HM13: variants seen among roughly 807,000 people sequenced by gnomAD.
HM13 encodes the protein signal peptide peptidase.
Under a neutral mutation model 50.0 loss-of-function variants are expected in HM13, and 18 were observed. The ratio of observed to expected loss-of-function variants is 0.36; its 90% CI spans 0.25 to 0.53. HM13 has a LOEUF of 0.53. Among genes scored for constraint, HM13 ranks in the 20% least tolerant of loss-of-function variants. The pLI is 0.90. For synonymous variants in HM13, 197 were observed against 232.6 expected, an observed-to-expected ratio of 0.85 and a Z score of 1.39; for missense variants, 393 against 552.4, an observed-to-expected ratio of 0.71 and a Z score of 2.89.
intron 1 of HM13, among the ~76,000 whole-genome samples, chr20:31,515,165 T>C (rs1173412420): frequency 6.6e-6 from 1 of 152,160 alleles, no homozygotes; most frequent in African/African-American, 2.4e-5. Context: ...TGTCATTCCC[T>C]GTTAGGAACC....
At chr20:31,536,920 T>C (rs1175933463) in intron 2 of HM13, among the ~76,000 whole-genome samples, 1 of 152,230 alleles carries the variant, frequency 6.6e-6, no homozygotes, top group African/African-American at 2.4e-5. Flanking sequence ...CGAGATTCTT[T>C]CTCCCTCACT....
intron 2 of HM13, 86 bp from the exon 3 acceptor site, chr20:31,538,093 A>C: frequency 6.5e-7 from 1 of 1,533,952 alleles, no homozygotes; most frequent in Non-Finnish European, 8.9e-7. Flanking sequence ...GGTGAGACCA[A>C]CCTCCAGAAG....
chr20:31,550,179 C>A, intron 7 of HM13, 58 bp downstream of exon 7: 1 of 1,289,764 alleles, frequency 7.8e-7, no homozygotes, highest in Non-Finnish European at 1.1e-6. Flanking sequence ...GGCCATGCCC[C>A]CACAGCCCGT....
chr20:31,568,017 C>T, intron 11 of HM13, 61 bp from the exon 12 acceptor site: 1 of 1,383,722 alleles, frequency 7.2e-7, no homozygotes, highest in Non-Finnish European at 9.8e-7. Flanking sequence ...AAGTCTCTGT[C>T]CTCCCTTAGT....
intron 1 of HM13, among the ~76,000 whole-genome samples, chr20:31,523,168 A>C (rs1452150651): frequency 6.6e-6 from 1 of 151,422 alleles, no homozygotes; most frequent in Non-Finnish European, 1.5e-5. Flanking sequence ...CTCCTGCCTC[A>C]ACCTCCTGAG....
At chr20:31,552,747 T>C (rs530514568) in intron 7 of HM13, among the ~76,000 whole-genome samples, 2 of 152,294 alleles carry the variant, frequency 1.3e-5, no homozygotes, top group East Asian at 3.9e-4. Context: ...CAAAATTGAA[T>C]GGTACCAGGA....
At chr20:31,562,328 C>T (rs1984663516) in intron 10 of HM13, 1 of 156,942 alleles carries the variant, frequency 6.4e-6, no homozygotes, top group Non-Finnish European at 1.4e-5. Flanking sequence ...GATTGCCCTA[C>T]TTTCTACTGG....
intron 11 of HM13, among the ~76,000 whole-genome samples, chr20:31,566,879 C>G (rs1186829612): frequency 6.6e-6 from 1 of 152,114 alleles, no homozygotes; most frequent in Non-Finnish European, 1.5e-5. Flanking sequence ...ACCGCAAGGC[C>G]TGCGTGACTC....
rs1984903514 is a variant in HM13, at chr20:31,566,267, G to A, written c.1006G>A (p.Ala336Thr). ...CGGTTTTCCTGTCCTGGTGGCGCTG[G>A]CCAAGGGAGAAGTGACAGAGATGTT... ...CIGFPVLVAL[A>T]KGEVTEMFSY... is the part of the protein sequence containing the mutation. The change falls in exon 11 of 13, where the codon GCC becomes ACC. Residue 336 changes from alanine to threonine, a missense_variant. Physicochemically the swap from Ala to Thr is moderately conservative, Grantham distance 58. This residue lies in a region of HM13 where 74 missense variants were observed against 160.4 expected (regional missense o/e 0.46). Coordinates refer to ENST00000398174, the MANE Select transcript of HM13 (RefSeq NM_178581.3). 1.2e-6 allele frequency: 2 copies of A among 1,613,918 alleles called. No homozygotes were observed. The highest frequency in any genetic ancestry group is 1.7e-6 in the Non-Finnish European group (2 of 1,179,974).
intron 1 of HM13, among the ~76,000 whole-genome samples, chr20:31,521,848 C>T (rs1387374890): frequency 1.4e-5 from 2 of 145,402 alleles, no homozygotes; most frequent in African/African-American, 2.7e-5. Context: ...TTTCAGGTCT[C>T]CCATTCTTTT....
chr20:31,538,314 C>T (rs1293475559), intron 3 of HM13, 53 bp downstream of exon 3: 2 of 1,614,034 alleles, frequency 1.2e-6, no homozygotes, highest in Non-Finnish European at 1.7e-6. Context: ...GGAACCAGTA[C>T]AGGGTCTTGG....
At chr20:31,555,509 G>A (rs1330443542) in intron 8 of HM13, among the ~76,000 whole-genome samples, 1 of 152,184 alleles carries the variant, frequency 6.6e-6, no homozygotes, top group Admixed American at 6.5e-5. Context: ...TGGGGCAGGA[G>A]CAGCTCAAAC....
At chr20:31,538,035 C>A (rs935463435) in intron 2 of HM13, 144 bp from the exon 3 acceptor site, 41 of 817,390 alleles carry the variant, frequency 5.0e-5, no homozygotes, top group Admixed American at 2.9e-4. Flanking sequence ...ACTAGAATGC[C>A]ACTAGTATTG....
chr20:31,533,710 T>A (rs141577848), intron 2 of HM13, among the ~76,000 whole-genome samples: 251 of 152,320 alleles, frequency 1.6e-3, no homozygotes, highest in Non-Finnish European at 2.9e-3. Flanking sequence ...TCTTTCACCC[T>A]GAGCCCCAAA....
intron 1 of HM13, among the ~76,000 whole-genome samples, chr20:31,519,393 G>A (rs1006791698): frequency 6.6e-6 from 1 of 152,060 alleles, no homozygotes. Flanking sequence ...GAGCCACCAC[G>A]CCTGGCCAGT....
At chr20:31,556,694 A>T (rs1175404806) in intron 8 of HM13, among the ~76,000 whole-genome samples, 1 of 152,146 alleles carries the variant, frequency 6.6e-6, no homozygotes, top group Non-Finnish European at 1.5e-5. Flanking sequence ...AACAGCTACC[A>T]TTTATCAAGC....
chr20:31,565,495 A>AAG (rs1442837214), intron 10 of HM13, among the ~76,000 whole-genome samples: 6 of 151,784 alleles, frequency 4.0e-5, no homozygotes, highest in African/African-American at 1.5e-4. Context: ...AAAAAAAAAA[A>AAG]AAAAAGATTT....
chr20:31,521,894 A>C (rs1315115010), intron 1 of HM13, among the ~76,000 whole-genome samples: 1 of 132,732 alleles, frequency 7.5e-6, no homozygotes, highest in East Asian at 2.1e-4. Context: ...GAGTATCTCC[A>C]TGTTGCCCAT....
At chr20:31,529,490 C>T (rs1428458191) in intron 2 of HM13, among the ~76,000 whole-genome samples, 2 of 152,162 alleles carry the variant, frequency 1.3e-5, no homozygotes, top group Non-Finnish European at 2.9e-5. Flanking sequence ...AGCTGTCCAC[C>T]CTCCTTGGCC....
Sources: gnomAD v4.1 joint callset for allele counts (sites outside exome capture counted in the v4.1 genomes callset) on GRCh38, gnomAD v4.1.1 for gene constraint, gnomAD v4.1.1 regional missense constraint, MANE v1.5 for transcripts, NCBI Gene and HGNC (gene_info 2026-07-23, HGNC 2026-07-21) for gene names.